Variants in RBFOX1 observed in about 807,000 individuals in gnomAD.
The protein encoded by RBFOX1 is RNA binding protein fox-1 homolog 1.
In RBFOX1, 8 loss-of-function variants were observed where a neutral mutation model predicts 57.7. The ratio of observed to expected loss-of-function variants is 0.14; its 90% confidence interval spans 0.08 to 0.25. RBFOX1 has a LOEUF of 0.25. Among genes scored for constraint, RBFOX1 ranks in the 10% least tolerant of loss-of-function variants. RBFOX1 has a pLI of 1.00. For synonymous variants in RBFOX1, 326 were observed against 222.4 expected (o/e 1.47, Z -4.15); for missense variants, 611 against 548.5 (o/e 1.11, Z -1.14).
chr16:6,963,158 C>G (rs139672157), intron 3 of RBFOX1, among the ~76,000 whole-genome samples: 1 of 152,120 alleles, frequency 6.6e-6, no homozygotes, highest in Admixed American at 6.6e-5. Flanking sequence ...CTGGTAGTTG[C>G]CACCCAAGCC....
At chr16:7,306,268 A>C (rs1465350164) in intron 4 of RBFOX1, among the ~76,000 whole-genome samples, 5 of 152,196 alleles carry the variant, frequency 3.3e-5, no homozygotes, top group African/African-American at 1.2e-4. Flanking sequence ...ACTTTGAGTG[A>C]GAGGTTATTC....
chr16:6,825,734 G>T (rs1266714972), intron 3 of RBFOX1, among the ~76,000 whole-genome samples: 2 of 152,112 alleles, frequency 1.3e-5, no homozygotes, highest in Non-Finnish European at 2.9e-5. Flanking sequence ...AGGCAGGGCA[G>T]TCGATGCCAG....
chr16:6,093,117 G>C (rs2096200137), intron 1 of RBFOX1, among the ~76,000 whole-genome samples: 1 of 152,092 alleles, frequency 6.6e-6, no homozygotes, highest in African/African-American at 2.4e-5. Context: ...AAGAAAACTG[G>C]TTGGCTATCC....
chr16:6,784,256 G>T (rs1434378240), intron 3 of RBFOX1, among the ~76,000 whole-genome samples: 3 of 151,824 alleles, frequency 2.0e-5, no homozygotes, highest in Non-Finnish European at 4.4e-5. Flanking sequence ...TCTTAGATTT[G>T]CCGTTTTTAG....
At chr16:6,701,499 A>G in intron 3 of RBFOX1, among the ~76,000 whole-genome samples, 1 of 152,222 alleles carries the variant, frequency 6.6e-6, no homozygotes, top group East Asian at 1.9e-4. Flanking sequence ...TAGGTTGTAC[A>G]AGCATGGCAC....
intron 3 of RBFOX1, among the ~76,000 whole-genome samples, chr16:6,914,794 A>C (rs1005939913): frequency 1.3e-5 from 2 of 152,190 alleles, no homozygotes; most frequent in African/African-American, 2.4e-5. Flanking sequence ...AGGCAGAAAC[A>C]ACAAGATCGC....
chr16:7,122,075 T>A (rs2067316047), intron 4 of RBFOX1, among the ~76,000 whole-genome samples: 1 of 152,024 alleles, frequency 6.6e-6, no homozygotes, highest in Non-Finnish European at 1.5e-5. Flanking sequence ...GGGTAAAATA[T>A]TCACGTCCAA....
intron 1 of RBFOX1, among the ~76,000 whole-genome samples, chr16:5,377,805 A>G (rs988630002): frequency 4.0e-5 from 6 of 151,496 alleles, no homozygotes; most frequent in South Asian, 2.1e-4. Context: ...GAAAATAAAT[A>G]TGCAAAAAAG....
chr16:7,065,194 T>G (rs2055656888), intron 4 of RBFOX1, among the ~76,000 whole-genome samples: 3 of 152,238 alleles, frequency 2.0e-5, no homozygotes, highest in Admixed American at 1.3e-4. Flanking sequence ...TGCATTCTAA[T>G]ATTTCATGGT....
intron 4 of RBFOX1, among the ~76,000 whole-genome samples, chr16:7,319,687 C>T (rs577117934): frequency 5.3e-5 from 8 of 152,144 alleles, no homozygotes; most frequent in Non-Finnish European, 1.0e-4. Context: ...TAGTAGATTT[C>T]CAGGGTTCCT....
At chr16:5,809,081 C>A (rs563000815) in intron 3 of RBFOX1, among the ~76,000 whole-genome samples, 1 of 152,196 alleles carries the variant, frequency 6.6e-6, no homozygotes, top group South Asian at 2.1e-4. Context: ...GAAAGGATTC[C>A]CTACTTAATA....
intron 3 of RBFOX1, among the ~76,000 whole-genome samples, chr16:6,998,865 GTATTAT>G (rs953704414): frequency 1.3e-5 from 2 of 151,134 alleles, no homozygotes; most frequent in African/African-American, 4.9e-5. Context: ...AATTAATTAA[GTATTAT>G]TATTATTATT....
intron 3 of RBFOX1, among the ~76,000 whole-genome samples, chr16:5,796,561 A>G (rs2054886130): frequency 9.2e-6 from 1 of 108,230 alleles, no homozygotes; most frequent in Non-Finnish European, 1.8e-5. Context: ...TGGTGTCTCC[A>G]CACCCTGATG....
intron 2 of RBFOX1, among the ~76,000 whole-genome samples, chr16:6,386,465 T>A (rs1469228261): frequency 6.6e-6 from 1 of 152,198 alleles, no homozygotes; most frequent in African/African-American, 2.4e-5. Flanking sequence ...CAAAAATTAC[T>A]GAATAGCTAA....
chr16:5,474,671 C>G (rs1006525271), intron 2 of RBFOX1, among the ~76,000 whole-genome samples: 1 of 151,722 alleles, frequency 6.6e-6, no homozygotes, highest in African/African-American at 2.4e-5. Context: ...AAAAAAAATA[C>G]TCCCGGACAT....
At chr16:7,596,500 C>G in intron 8 of RBFOX1, among the ~76,000 whole-genome samples, 1 of 152,038 alleles carries the variant, frequency 6.6e-6, no homozygotes, top group East Asian at 1.9e-4. Flanking sequence ...TAACTGTATA[C>G]AAACCCATGC....
intron 1 of RBFOX1, among the ~76,000 whole-genome samples, chr16:5,274,374 C>G (rs1441552860): frequency 6.6e-6 from 1 of 152,042 alleles, no homozygotes; most frequent in Non-Finnish European, 1.5e-5. Flanking sequence ...ACTAAAAATA[C>G]AAAAATTAGC....
At chr16:7,164,277 G>C (rs2078985701) in intron 4 of RBFOX1, among the ~76,000 whole-genome samples, 1 of 152,264 alleles carries the variant, frequency 6.6e-6, no homozygotes, top group East Asian at 1.9e-4. Flanking sequence ...CATCCAGGTT[G>C]CTGCAAATGC....
At chr16:7,414,777 C>A (rs10468332) in intron 4 of RBFOX1, among the ~76,000 whole-genome samples, 2 of 152,058 alleles carry the variant, frequency 1.3e-5, no homozygotes, top group Admixed American at 1.3e-4. Flanking sequence ...GCCACCATGA[C>A]TGGCCAATTT....
Sources: allele counts gnomAD v4.1 joint callset (sites outside exome capture counted in the v4.1 genomes callset), GRCh38; gene constraint gnomAD v4.1.1; transcripts MANE v1.5; gene names NCBI Gene and HGNC (gene_info 2026-07-23, HGNC 2026-07-21).